GLIS2: variants seen among roughly 807,000 people sequenced by gnomAD.
The protein encoded by GLIS2 is zinc finger protein GLIS2.
A neutral mutation model predicts 35.6 loss-of-function variants in GLIS2; 14 were observed. The ratio of observed to expected loss-of-function variants is 0.39; its 90% confidence interval spans 0.26 to 0.61. GLIS2 has a LOEUF of 0.61. Ranked by LOEUF, GLIS2 falls within the 20% of genes least tolerant of loss-of-function variation. The probability of loss-of-function intolerance (pLI) is 0.48; values close to 1 mark genes in which losing one functional copy is unlikely to be tolerated. For synonymous variants in GLIS2, 368 were observed against 325.1 expected, an observed-to-expected ratio of 1.13 and a Z score of -1.42; for missense variants, 675 against 713.4, an observed-to-expected ratio of 0.95 and a Z score of 0.61.
rs144447862 is a variant in GLIS2, at chr16:4,333,413, A to G, written c.239A>G (p.Asp80Gly). The G allele has an allele frequency of 1.2e-6, 2 of 1,612,586 alleles. No individual in the cohort carries two copies. The highest frequency in any genetic ancestry group is 8.5e-7 in the Non-Finnish European group (1 of 1,179,878). Residue 80 changes from aspartate (D) to glycine (G), a missense_variant, in exon 3 of 7, where the codon GAC becomes GGC. Physicochemically the swap from Asp to Gly is moderately conservative, Grantham distance 94. This residue lies in a region of GLIS2 where 225 missense variants were observed against 238.7 expected (regional missense o/e 0.94). Coordinates refer to ENST00000433375, the MANE Select transcript of GLIS2 (RefSeq NM_032575.3). ...EGRFSAAPLV[D>G]LSLSPPSGLD... ...CGCTTTTCAGCAGCCCCTCTCGTGG[A>G]CCTCAGCCTGTCACCACCATCTGGG...
rs1337760456 is a variant in GLIS2, at chr16:4,339,164, G to A, written c.*1640G>A. The A allele has an allele frequency of 2.0e-5, 3 of 152,420 alleles. No homozygotes were observed. Among genetic ancestry groups the A allele is most frequent in the Non-Finnish European group, 4.4e-5 (3 of 68,166 alleles). 9.4% of individuals were successfully genotyped at this position (152,420 alleles called of 1,614,324 possible). A position where few individuals can be genotyped will look rare whatever the true frequency, so the allele number is the denominator to read the frequency against. On this transcript the variant is annotated 3_prime_UTR_variant, in exon 7 of 7. Transcript: ENST00000433375. Reference sequence around the variant, plus strand: ...AGCCACACTGGCTCTGCCCCTCGAAGGGGCTATGAGCAAGGTAGGAGGGAG... The same window carrying A: ...AGCCACACTGGCTCTGCCCCTCGAAAGGGCTATGAGCAAGGTAGGAGGGAG...
At position 4,320,899 on chromosome 16, in the gene GLIS2, C is replaced by T. The variant is rs2053372054; in HGVS notation, c.-67+4645C>T. The stretch of plus-strand genomic sequence containing the variant: ...CACCCCCCGGAGCACCTAGTGGTCA[C>T]CCTGCTTGGTTCTAGGGCCACTGGG... On this transcript the variant is annotated intron_variant, in intron 1 of 6. Coordinates refer to ENST00000433375, the MANE Select transcript of GLIS2 (RefSeq NM_032575.3). The surrounding 1 kb of genome is among the most constrained non-coding windows in gnomAD (Gnocchi z 5.6). 6.6e-6 allele frequency among the ~76,000 whole-genome samples: 1 copy of T among 152,192 alleles called. No individual in the cohort carries two copies. The highest frequency in any genetic ancestry group is 1.5e-5 in the Non-Finnish European group (1 of 68,026).
chr16:4,321,513 G>A (rs938586528), intron 1 of GLIS2, among the ~76,000 whole-genome samples: 53 of 152,232 alleles, frequency 3.5e-4, no homozygotes, highest in African/African-American at 1.2e-3. Flanking sequence ...AGGTACCACT[G>A]TGCCACCTAA....
chr16:4,316,356 C>T (rs2053312588), intron 1 of GLIS2, among the ~76,000 whole-genome samples, 102 bp downstream of exon 1: 1 of 146,300 alleles, frequency 6.8e-6, no homozygotes, highest in African/African-American at 2.5e-5. Context: ...GGTCTCCTCC[C>T]CCGCTCGCGT....
intron 1 of GLIS2, among the ~76,000 whole-genome samples, chr16:4,321,524 GA>G (rs1045295396): frequency 6.6e-6 from 1 of 152,198 alleles, no homozygotes; most frequent in African/African-American, 2.4e-5. Flanking sequence ...TGCCACCTAA[GA>G]TGAGTGGTTG....
At chr16:4,319,644 G>A (rs537332320) in intron 1 of GLIS2, among the ~76,000 whole-genome samples, 21 of 152,350 alleles carry the variant, frequency 1.4e-4, no homozygotes, top group Admixed American at 3.3e-4. Flanking sequence ...TAAGTCAGGC[G>A]TGGCTGGGGG....
In GLIS2 at chr16:4,334,797, C is replaced by G. The variant is rs990927651; in HGVS notation, c.346-4C>G. On this transcript the variant is annotated splice_polypyrimidine_tract_variant and splice_region_variant and intron_variant, in intron 3 of 6. Coordinates refer to ENST00000433375, the MANE Select transcript of GLIS2 (RefSeq NM_032575.3). ...CCTTGACTAGCCCTCCCCTCGCACC[C>G]CAGGACTTCCAGCCACTGCGCTATT... The G allele has an allele frequency of 1.3e-5, 21 of 1,613,320 alleles. No individual in the cohort carries two copies. The highest frequency in any genetic ancestry group is 1.7e-5 in the Non-Finnish European group (20 of 1,179,992).
rs761186959 is a variant in GLIS2 at position 4,337,416 on chromosome 16, C to A, written c.1467C>A (p.Asp489Glu). The change falls in exon 7 of 7, where the codon GAC becomes GAA. Residue 489 changes from aspartate (D) to glutamate (E), a missense_variant. Transcript: ENST00000433375. ...GLPLLPGTVL[D>E]LSTGVNSAAS... The stretch of plus-strand genomic sequence containing the variant: ...CCCTGCTGCCAGGCACCGTGCTGGA[C>A]CTGTCCACGGGCGTCAACTCAGCTG... 3.1e-6 allele frequency: 5 copies of A among 1,587,690 alleles called. No homozygotes were observed. The Admixed American group carries it at 8.7e-5, about 28-fold the overall frequency.
intron 1 of GLIS2, among the ~76,000 whole-genome samples, chr16:4,330,990 T>C (rs1160784345): frequency 6.6e-6 from 1 of 152,150 alleles, no homozygotes; most frequent in Non-Finnish European, 1.5e-5. Flanking sequence ...TGTTTGTTTG[T>C]TTTTGAGACG....
chr16:4,321,956 C>A (rs973374630), intron 1 of GLIS2, among the ~76,000 whole-genome samples: 6 of 152,118 alleles, frequency 3.9e-5, no homozygotes, highest in African/African-American at 1.2e-4. Flanking sequence ...AAGTCTTTGC[C>A]CAGCAGGCCC....
Position 4,320,352 on chromosome 16 carries a change from G to T in GLIS2, c.-67+4098G>T, listed in dbSNP as rs1421660953. On this transcript the variant is annotated intron_variant, in intron 1 of 6. Coordinates refer to ENST00000433375, the MANE Select transcript of GLIS2 (RefSeq NM_032575.3). The surrounding 1 kb of genome is among the most constrained non-coding windows in gnomAD (Gnocchi z 5.6). ...CGTCACATGGAGGGTCCCCACCGCT[G>T]GCACAGCACGCTCCCAGGGCAGCCT... Among the ~76,000 whole-genome samples, 1 of 152,100 alleles carries T rather than the reference G, an allele frequency of 6.6e-6. No homozygotes were observed.
At chr16:4,334,695 AGAG>A (rs1281652645) in intron 3 of GLIS2, 103 bp from the exon 4 acceptor site, 3 of 1,337,526 alleles carry the variant, frequency 2.2e-6, no homozygotes, top group Non-Finnish European at 3.2e-6. Flanking sequence ...GCTGGGGAGA[AGAG>A]GACCTGAATG....
In GLIS2 at chr16:4,316,225, G is replaced by A. The variant is rs1194301852; in HGVS notation, c.-96G>A. On this transcript the variant is annotated 5_prime_UTR_variant, in exon 1 of 7. Transcript: ENST00000433375. ...CGCCCCCCGACCGCCGGAGCCCGCA[G>A]CCCGGATCCCGACCGCCCCCGCCGC... is the stretch of plus-strand genomic sequence containing the variant. Among the ~76,000 whole-genome samples the A allele has an allele frequency of 7.2e-6, 1 of 139,778 alleles. No homozygotes were observed. The highest frequency in any genetic ancestry group is 2.6e-5 in the African/African-American group (1 of 38,406). The allele number at this position is 139,778 out of a possible 152,430, so 91.7% of individuals were successfully genotyped here. A position where few individuals can be genotyped will look rare whatever the true frequency, so the allele number is the denominator to read the frequency against.
chr16:4,319,150 C>G (rs772127631), intron 1 of GLIS2, among the ~76,000 whole-genome samples: 3 of 152,048 alleles, frequency 2.0e-5, no homozygotes, highest in Non-Finnish European at 4.4e-5. Context: ...GGAATTGGGG[C>G]GGGGGTGGCT....
At chr16:4,325,416 G>A (rs1420454031) in intron 1 of GLIS2, 1 of 152,260 alleles carries the variant, frequency 6.6e-6, no homozygotes, top group African/African-American at 2.4e-5. Flanking sequence ...TATGGGTACT[G>A]TCCTCATGCT....
At chr16:4,328,062 G>T (rs1042570805) in intron 1 of GLIS2, among the ~76,000 whole-genome samples, 1 of 152,218 alleles carries the variant, frequency 6.6e-6, no homozygotes, top group African/African-American at 2.4e-5. Context: ...ACCAGGAGGC[G>T]CAGAGGGGCG....
chr16:4,322,361 G>C (rs983132994), intron 1 of GLIS2, among the ~76,000 whole-genome samples: 3 of 152,210 alleles, frequency 2.0e-5, no homozygotes, highest in Non-Finnish European at 4.4e-5. Context: ...CCGGGCCATA[G>C]CCTCTGGTCC....
At chr16:4,327,271 C>G (rs1385873684) in intron 1 of GLIS2, among the ~76,000 whole-genome samples, 1 of 152,246 alleles carries the variant, frequency 6.6e-6, no homozygotes, top group African/African-American at 2.4e-5. Context: ...GTTTCCCCAT[C>G]TGTGAGATCG....
At chr16:4,318,338 A>G (rs1241310751) in intron 1 of GLIS2, among the ~76,000 whole-genome samples, 1 of 152,118 alleles carries the variant, frequency 6.6e-6, no homozygotes, top group Non-Finnish European at 1.5e-5. Context: ...CCCAGAGTCC[A>G]TGAGAAGCCT....
Sources: gnomAD v4.1 joint callset for allele counts (sites outside exome capture counted in the v4.1 genomes callset) on GRCh38, gnomAD v4.1.1 for gene constraint, gnomAD v4.1.1 regional missense constraint, Gnocchi (gnomAD v3.1) non-coding constraint, MANE v1.5 for transcripts, NCBI Gene and HGNC (gene_info 2026-07-23, HGNC 2026-07-21) for gene names.